The following ZFHX3 variants were observed in gnomAD, a reference collection of about 807,000 sequenced individuals.
The protein encoded by ZFHX3 is zinc finger homeobox 3, also known as zinc finger homeobox protein 3.
In ZFHX3, 42 loss-of-function variants were observed where a neutral mutation model predicts 279.1. The observed-to-expected ratio is 0.15, with a 90% CI of 0.12 to 0.19. The LOEUF (loss-of-function observed/expected upper bound fraction) is 0.19, where lower values mean the gene tolerates loss of function less well. ZFHX3 is among the 10% of genes least tolerant of loss of function. The pLI is 1.00. For missense variants in ZFHX3, 4,981 were observed against 4,754.0 expected (o/e 1.05, Z -1.40); for synonymous variants, 2,293 against 1,957.8 (o/e 1.17, Z -4.52).
chr16:73,679,427 A>G (rs1163134093), intron 2 of ZFHX3: 2 of 152,304 alleles, frequency 1.3e-5, no homozygotes, highest in African/African-American at 2.4e-5. Context: ...CTTTCTTCCT[A>G]TGGGGACAGC....
At chr16:72,911,987 G>A (rs907055011) in intron 3 of ZFHX3, among the ~76,000 whole-genome samples, 1 of 152,160 alleles carries the variant, frequency 6.6e-6, no homozygotes, top group South Asian at 2.1e-4. Flanking sequence ...CGCTGTCTAG[G>A]GAATAACATA....
At chr16:73,540,397 G>A (rs531777778) in intron 2 of ZFHX3, among the ~76,000 whole-genome samples, 1 of 152,154 alleles carries the variant, frequency 6.6e-6, no homozygotes, top group Non-Finnish European at 1.5e-5. Flanking sequence ...AACTGCAAAG[G>A]AAATAACCCC....
chr16:73,511,805 A>G (rs1454295874), intron 2 of ZFHX3, among the ~76,000 whole-genome samples: 1 of 152,182 alleles, frequency 6.6e-6, no homozygotes, highest in Non-Finnish European at 1.5e-5. Flanking sequence ...TGAAAGAAAA[A>G]GAATGAGACT....
At chr16:73,404,316 C>T (rs1290433052) in intron 3 of ZFHX3, among the ~76,000 whole-genome samples, 1 of 152,098 alleles carries the variant, frequency 6.6e-6, no homozygotes, top group Non-Finnish European at 1.5e-5. Context: ...GTAATGGTTT[C>T]CTGGAATGAA....
chr16:72,889,618 A>G (rs1692557314), intron 4 of ZFHX3, 113 bp downstream of exon 4: 2 of 1,002,074 alleles, frequency 2.0e-6, no homozygotes, highest in East Asian at 2.6e-5. Context: ...AGTAAGGAAC[A>G]TGAGGACCAG....
At chr16:73,653,243 A>C (rs896385880) in intron 2 of ZFHX3, among the ~76,000 whole-genome samples, 2 of 152,196 alleles carry the variant, frequency 1.3e-5, no homozygotes, top group African/African-American at 4.8e-5. Flanking sequence ...AACTTGACCT[A>C]ATAACCTGTG....
chr16:73,621,026 T>A (rs2143903318), intron 2 of ZFHX3, among the ~76,000 whole-genome samples: 1 of 152,356 alleles, frequency 6.6e-6, no homozygotes, highest in East Asian at 1.9e-4. Context: ...GTAGCATCCA[T>A]CTTCCAAGGG....
chr16:72,861,691 G>T (rs1322024305), intron 4 of ZFHX3, among the ~76,000 whole-genome samples: 1 of 152,104 alleles, frequency 6.6e-6, no homozygotes, highest in East Asian at 1.9e-4. Flanking sequence ...TAACCTGAAG[G>T]TCCACATATT....
chr16:72,817,881 T>C (rs1043714423), intron 5 of ZFHX3, among the ~76,000 whole-genome samples: 1 of 152,146 alleles, frequency 6.6e-6, no homozygotes, highest in African/African-American at 2.4e-5. Context: ...GACTCTTAGC[T>C]AAAAAGTACC....
intron 3 of ZFHX3, among the ~76,000 whole-genome samples, chr16:73,439,932 A>AAC (rs2018060045): frequency 7.4e-5 from 8 of 107,852 alleles, no homozygotes; most frequent in African/African-American, 3.4e-4. Flanking sequence ...AAAAAAAAAA[A>AAC]CACAAAAAAA....
intron 1 of ZFHX3, among the ~76,000 whole-genome samples, chr16:72,984,415 C>T (rs1962754745): frequency 6.6e-6 from 1 of 151,952 alleles, no homozygotes; most frequent in African/African-American, 2.4e-5. Flanking sequence ...TCACTTGAGC[C>T]CAGAAGTTTG....
chr16:73,487,047 G>GA (rs776735030), intron 2 of ZFHX3, among the ~76,000 whole-genome samples: 2 of 152,218 alleles, frequency 1.3e-5, no homozygotes, highest in Non-Finnish European at 2.9e-5. Context: ...TAAAACGATG[G>GA]AAAATGGTAT....
intron 6 of ZFHX3, among the ~76,000 whole-genome samples, chr16:73,137,868 T>G (rs188654574): frequency 2.0e-5 from 3 of 152,002 alleles, no homozygotes; most frequent in Non-Finnish European, 4.4e-5. Flanking sequence ...CTACTCAAAA[T>G]TTTTTTTGTA....
intron 1 of ZFHX3, among the ~76,000 whole-genome samples, chr16:73,701,061 T>C (rs530315526): frequency 1.3e-5 from 2 of 152,326 alleles, no homozygotes; most frequent in Admixed American, 1.3e-4. Context: ...TCTTCTGGTT[T>C]GTGTGTTCAT....
chr16:73,585,416 A>T (rs1390224945), intron 2 of ZFHX3, among the ~76,000 whole-genome samples: 1 of 152,202 alleles, frequency 6.6e-6, no homozygotes, highest in Admixed American at 6.5e-5. Context: ...CACCATCTCA[A>T]AAAACAAACA....
chr16:73,605,225 G>T (rs991406578), intron 2 of ZFHX3, among the ~76,000 whole-genome samples: 6 of 152,156 alleles, frequency 3.9e-5, no homozygotes, highest in Admixed American at 1.3e-4. Flanking sequence ...GTCTCCTCTG[G>T]TGTCTTTATT....
At chr16:73,801,388 G>T (rs1286053087) in intron 1 of ZFHX3, among the ~76,000 whole-genome samples, 3 of 152,148 alleles carry the variant, frequency 2.0e-5, no homozygotes, top group African/African-American at 4.8e-5. Flanking sequence ...TAGGAGGTGG[G>T]TTAAAGGGTT....
intron 1 of ZFHX3, among the ~76,000 whole-genome samples, chr16:73,841,043 A>G (rs1051296831): frequency 6.6e-6 from 1 of 152,190 alleles, no homozygotes; most frequent in Non-Finnish European, 1.5e-5. Flanking sequence ...TCCAGGCTGG[A>G]GTCCTGGAAG....
At chr16:72,951,883 A>G (rs1476258161) in intron 2 of ZFHX3, among the ~76,000 whole-genome samples, 2 of 152,198 alleles carry the variant, frequency 1.3e-5, no homozygotes, top group African/African-American at 4.8e-5. Context: ...TGAATTTTCA[A>G]TGTTATTTAA....
Sources: gnomAD v4.1 joint callset for allele counts (sites outside exome capture counted in the v4.1 genomes callset) on GRCh38, gnomAD v4.1.1 for gene constraint, MANE v1.5 for transcripts, NCBI Gene and HGNC (gene_info 2026-07-23, HGNC 2026-07-21) for gene names.